Variants in COL11A1 observed in about 807,000 individuals in gnomAD.
The protein encoded by COL11A1 is collagen type XI alpha 1 chain, also known as collagen alpha-1(XI) chain.
In COL11A1, 74 loss-of-function variants were observed where a neutral mutation model predicts 265.2. The ratio of observed to expected loss-of-function variants is 0.28; its 90% confidence interval spans 0.23 to 0.34. The LOEUF (loss-of-function observed/expected upper bound fraction) is 0.34, where lower values mean the gene tolerates loss of function less well. COL11A1 is among the 10% of genes least tolerant of loss of function. The pLI is 1.00. For synonymous variants in COL11A1, 816 were observed against 727.6 expected (o/e 1.12, Z -1.96); for missense variants, 2,165 against 2,263.6 (o/e 0.96, Z 0.88).
At chr1:102,968,980 C>T (rs115518677) in intron 37 of COL11A1, among the ~76,000 whole-genome samples, 2 of 152,146 alleles carry the variant, frequency 1.3e-5, no homozygotes, top group Non-Finnish European at 2.9e-5. Flanking sequence ...TATACAATGA[C>T]TTCATTAAAA....
At chr1:102,987,464 T>C (rs1291233943) in intron 30 of COL11A1, among the ~76,000 whole-genome samples, 169 bp downstream of exon 30, 1 of 152,040 alleles carries the variant, frequency 6.6e-6, no homozygotes, top group Non-Finnish European at 1.5e-5. Context: ...TGTTGCCTAA[T>C]ATTACACTGA....
chr1:103,072,216 G>A (rs1442508359), intron 4 of COL11A1, among the ~76,000 whole-genome samples: 4 of 151,874 alleles, frequency 2.6e-5, no homozygotes, highest in African/African-American at 9.7e-5. Flanking sequence ...GCATTTAGCT[G>A]TATAAAGTTG....
intron 41 of COL11A1, among the ~76,000 whole-genome samples, chr1:102,949,184 A>G (rs1175427266): frequency 6.6e-6 from 1 of 152,068 alleles, no homozygotes; most frequent in Non-Finnish European, 1.5e-5. Flanking sequence ...AATTAATACC[A>G]CTAAAGATAA....
chr1:103,042,079 A>G (rs1668855461), intron 4 of COL11A1, among the ~76,000 whole-genome samples: 2 of 152,096 alleles, frequency 1.3e-5, no homozygotes, highest in African/African-American at 2.4e-5. Flanking sequence ...AACTTGTACA[A>G]GGATTTTAAC....
At chr1:102,989,713 T>C in intron 28 of COL11A1, 142 bp from the exon 29 acceptor site, 1 of 491,384 alleles carries the variant, frequency 2.0e-6, no homozygotes, top group Non-Finnish European at 3.7e-6. Flanking sequence ...AACTTCCTCC[T>C]CCCTTTTCCA....
chr1:102,880,191 T>A (rs911516672), intron 65 of COL11A1, among the ~76,000 whole-genome samples: 1 of 152,116 alleles, frequency 6.6e-6, no homozygotes, highest in East Asian at 1.9e-4. Flanking sequence ...CAGTAAACAC[T>A]ATAAAAAATG....
intron 46 of COL11A1, among the ~76,000 whole-genome samples, chr1:102,924,078 G>T (rs1227093643): frequency 2.0e-5 from 3 of 148,574 alleles, no homozygotes; most frequent in Non-Finnish European, 4.4e-5. Context: ...AAAATTAGCC[G>T]GGCGTGGTGG....
intron 57 of COL11A1, among the ~76,000 whole-genome samples, chr1:102,891,524 C>A (rs1475664024): frequency 6.6e-6 from 1 of 151,942 alleles, no homozygotes; most frequent in East Asian, 1.9e-4. Context: ...TCCTGCCCCC[C>A]CGCCCAAGGA....
chr1:102,945,054 ATT>A, intron 42 of COL11A1, among the ~76,000 whole-genome samples: 1 of 150,052 alleles, frequency 6.7e-6, no homozygotes, highest in African/African-American at 2.4e-5. Flanking sequence ...TACAGAAAAC[ATT>A]TTTTTTTTAT....
intron 46 of COL11A1, among the ~76,000 whole-genome samples, chr1:102,929,755 T>G (rs1200122288): frequency 6.6e-6 from 1 of 152,142 alleles, no homozygotes; most frequent in Non-Finnish European, 1.5e-5. Flanking sequence ...GTTTGTATCC[T>G]CTTTTATTTC....
At chr1:103,081,513 T>C (rs1672412104) in intron 2 of COL11A1, among the ~76,000 whole-genome samples, 1 of 151,938 alleles carries the variant, frequency 6.6e-6, no homozygotes, top group South Asian at 2.1e-4. Flanking sequence ...AAGTTCATTT[T>C]ATTCTTTATA....
intron 49 of COL11A1, among the ~76,000 whole-genome samples, chr1:102,917,679 T>C (rs766510483): frequency 2.0e-5 from 3 of 151,926 alleles, no homozygotes; most frequent in African/African-American, 4.8e-5. Context: ...TAAAGTTAAA[T>C]TTATGGATAT....
intron 44 of COL11A1, among the ~76,000 whole-genome samples, chr1:102,936,841 A>C (rs1165928304): frequency 6.6e-6 from 1 of 152,162 alleles, no homozygotes; most frequent in African/African-American, 2.4e-5. Context: ...TACCACTTAT[A>C]AAATTTCTAT....
At chr1:102,967,227 C>CTTTTTTT (rs35303945) in intron 37 of COL11A1, among the ~76,000 whole-genome samples, 4,122 of 52,750 alleles carry the variant, frequency 0.078, 1,605 homozygotes, top group East Asian at 0.12. Context: ...ATAATAAATT[C>CTTTTTTT]TTTTTTTTTT....
At chr1:102,893,050 C>T (rs973706419) in intron 57 of COL11A1, among the ~76,000 whole-genome samples, 1 of 152,136 alleles carries the variant, frequency 6.6e-6, no homozygotes, top group African/African-American at 2.4e-5. Flanking sequence ...GTTATCTCCC[C>T]ATTACTGGGG....
Position 102,965,484 on chromosome 1 carries a change from T to C in COL11A1, c.2916+3A>G, listed in dbSNP as rs200515572. ...GCTTGGGAAATAAAGCAAAGGAACA[T>C]ACCTGTGGTCCAACCACTCCCCCTG... On this transcript the variant is annotated splice_donor_region_variant and intron_variant, in intron 38 of 66. Transcript: ENST00000370096. 66 of 1,613,222 alleles carry C rather than the reference T, an allele frequency of 4.1e-5. 1 individual carries two copies. Among genetic ancestry groups the C allele is most frequent in the Middle Eastern group, 1.7e-4 (1 of 6,058 alleles).
At chr1:102,911,031 G>A (rs1654611507) in intron 54 of COL11A1, among the ~76,000 whole-genome samples, 1 of 152,060 alleles carries the variant, frequency 6.6e-6, no homozygotes, top group South Asian at 2.1e-4. Context: ...AGCAGAAAGA[G>A]GCAATGGATA....
At chr1:103,101,496 C>G (rs991916341) in intron 1 of COL11A1, among the ~76,000 whole-genome samples, 1 of 151,898 alleles carries the variant, frequency 6.6e-6, no homozygotes, top group African/African-American at 2.4e-5. Flanking sequence ...CTCTTTCTGG[C>G]AGTCATCCTT....
At chr1:102,898,432 A>C (rs1652722965) in intron 56 of COL11A1, among the ~76,000 whole-genome samples, 1 of 151,928 alleles carries the variant, frequency 6.6e-6, no homozygotes, top group Non-Finnish European at 1.5e-5. Context: ...GAAATTTTAA[A>C]ATTTGGTTTT....
Sources: gnomAD v4.1 joint callset for allele counts (sites outside exome capture counted in the v4.1 genomes callset) on GRCh38, gnomAD v4.1.1 for gene constraint, MANE v1.5 for transcripts, NCBI Gene and HGNC (gene_info 2026-07-23, HGNC 2026-07-21) for gene names.